LRPPRC: variants seen among roughly 807,000 people sequenced by gnomAD.
The protein encoded by LRPPRC is leucine-rich PPR motif-containing protein, mitochondrial.
Under a neutral mutation model 180.3 loss-of-function variants are expected in LRPPRC, and 120 were observed. The ratio of observed to expected loss-of-function variants is 0.67; its 90% CI spans 0.57 to 0.77. The LOEUF (loss-of-function observed/expected upper bound fraction) is 0.77, where lower values mean the gene tolerates loss of function less well. LRPPRC is among the 30% of genes least tolerant of loss of function. The pLI is 0.00. For missense variants in LRPPRC, 2,012 were observed against 1,657.2 expected, an observed-to-expected ratio of 1.21 and a Z score of -3.72; for synonymous variants, 723 against 600.0, an observed-to-expected ratio of 1.21 and a Z score of -3.00.
intron 12 of LRPPRC, among the ~76,000 whole-genome samples, chr2:43,963,325 T>A (rs1220838649): frequency 1.3e-5 from 2 of 152,150 alleles, no homozygotes; most frequent in Non-Finnish European, 2.9e-5. Context: ...ATGCCTGTAA[T>A]CCCAGCTACT....
chr2:43,974,698 T>C lies in LRPPRC; in HGVS notation c.925A>G (p.Ile309Val), dbSNP rs777537110. 2.5e-6 allele frequency: 4 copies of C among 1,613,548 alleles called. No homozygotes were observed. The highest frequency in any genetic ancestry group is 3.4e-6 in the Non-Finnish European group (4 of 1,179,504). Residue 309 changes from isoleucine (I) to valine (V), a missense_variant, in exon 8 of 38, where the codon ATT becomes GTT. Transcript: ENST00000260665. Reference sequence around the variant, plus strand: ...TACCCAGCTTTACTGAAGCTAAAAATAATTTGCAGTAAATCACGGTCCATA... The same window carrying C: ...TACCCAGCTTTACTGAAGCTAAAAACAATTTGCAGTAAATCACGGTCCATA... ...HLMDRDLLQI[I>V]FSFSKAGYPQ... is the part of the protein sequence containing the mutation.
intron 1 of LRPPRC, among the ~76,000 whole-genome samples, chr2:43,990,895 G>C (rs1674746158): frequency 6.6e-6 from 1 of 151,332 alleles, no homozygotes; most frequent in Non-Finnish European, 1.5e-5. Context: ...GCCCAGGCTG[G>C]AGTGCAATGG....
rs1370137723 is a variant in LRPPRC at position 43,889,745 on chromosome 2, T to G, written c.4117A>C (p.Ile1373Leu). ...LKYAGEPVPF[I>L]EPPESFEFYA... ...TAAGAAATACTCACAGGGGGTTCAATGAAAGGGACAGGCTCTCCAGCATAC... is the reference window on the plus strand; with the variant it reads ...TAAGAAATACTCACAGGGGGTTCAAGGAAAGGGACAGGCTCTCCAGCATAC... Residue 1373 changes from isoleucine to leucine, a missense_variant, in exon 37 of 38, where the codon ATT becomes CTT. Physicochemically the swap from Ile to Leu is conservative, Grantham distance 5 (BLOSUM62 2). Coordinates refer to ENST00000260665, the MANE Select transcript of LRPPRC (RefSeq NM_133259.4). 4.3e-6 allele frequency: 7 copies of G among 1,612,968 alleles called. No individual in the cohort carries two copies. The highest frequency in any genetic ancestry group is 5.9e-6 in the Non-Finnish European group (7 of 1,179,016).
intron 12 of LRPPRC, among the ~76,000 whole-genome samples, chr2:43,961,967 A>G (rs558311252): frequency 1.3e-5 from 2 of 152,332 alleles, no homozygotes; most frequent in Admixed American, 1.3e-4. Context: ...TGCCTCAAAA[A>G]ACAAAGAAAA....
At chr2:43,959,644 C>T (rs1167597984) in intron 13 of LRPPRC, among the ~76,000 whole-genome samples, 1 of 152,166 alleles carries the variant, frequency 6.6e-6, no homozygotes, top group Admixed American at 6.5e-5. Context: ...GTGGCTCACA[C>T]CTGTAATCCC....
chr2:43,969,683 GTGT>G (rs920080141), intron 11 of LRPPRC, among the ~76,000 whole-genome samples: 3 of 152,082 alleles, frequency 2.0e-5, no homozygotes, highest in Non-Finnish European at 4.4e-5. Context: ...TGGGTGTGTG[GTGT>G]TTTGTTTTTG....
intron 21 of LRPPRC, among the ~76,000 whole-genome samples, 183 bp from the exon 22 acceptor site, chr2:43,945,600 T>C (rs1672652584): frequency 6.6e-6 from 1 of 152,114 alleles, no homozygotes; most frequent in African/African-American, 2.4e-5. Flanking sequence ...ATATTCAAAG[T>C]GACTAGTGAA....
At position 43,918,334 on chromosome 2, in the gene LRPPRC, A is replaced by C. The variant is rs767400876; in HGVS notation, c.2961T>G (p.Ile987Met). 4.3e-6 allele frequency: 7 copies of C among 1,610,054 alleles called. No individual in the cohort carries two copies. Among genetic ancestry groups the C allele is most frequent in the Admixed American group, 1.7e-5 (1 of 59,998 alleles). Residue 987 changes from isoleucine to methionine, a missense_variant, in exon 28 of 38, where the codon ATT becomes ATG. Coordinates refer to ENST00000260665, the MANE Select transcript of LRPPRC (RefSeq NM_133259.4). ...ATAATCTTAATGTCTTTTCACGAGG[A>C]ATAACATTTTCTTCTTGGATTTTAT... ...VWNKIQEENVIPREKTLRLLA... is the reference protein window; with the variant it reads ...VWNKIQEENVMPREKTLRLLA...
intron 30 of LRPPRC, among the ~76,000 whole-genome samples, chr2:43,911,523 CTTTTTTTT>C (rs531172761): frequency 1.1e-5 from 1 of 92,372 alleles, no homozygotes; most frequent in Non-Finnish European, 2.0e-5. Flanking sequence ...TCTTCTTCTT[CTTTTTTTT>C]TTTTTTTTTT....
intron 23 of LRPPRC, among the ~76,000 whole-genome samples, chr2:43,940,448 C>G (rs561074647): frequency 6.6e-6 from 1 of 152,062 alleles, no homozygotes; most frequent in South Asian, 2.1e-4. Context: ...AAATTGTGAC[C>G]TTTATGAACT....
chr2:43,995,046 G>A (rs571728433), intron 1 of LRPPRC, among the ~76,000 whole-genome samples: 2 of 152,182 alleles, frequency 1.3e-5, no homozygotes, highest in South Asian at 2.1e-4. Context: ...TTCGAGACTA[G>A]CGTGGCCAAC....
rs1208306375 is a variant in LRPPRC at position 43,899,602 on chromosome 2, A to G, written c.3573T>C (p.Asn1191=). 1.9e-6 allele frequency: 3 copies of G among 1,606,800 alleles called. No individual in the cohort carries two copies. The highest frequency in any genetic ancestry group is 2.6e-6 in the Non-Finnish European group (3 of 1,173,864). Residue 1191 remains asparagine (N), a synonymous_variant, in exon 33 of 38, where the codon AAT becomes AAC. Transcript: ENST00000260665. ...NNIALAQIKN[N]NIDAAIENIE... ...TGTTTTCTATTGCGGCATCTATGTT[A>G]TTACTGTTAAAAGCAAAATAAATTA...
chr2:43,949,782 A>C, intron 15 of LRPPRC, 123 bp from the exon 16 acceptor site: 1 of 723,822 alleles, frequency 1.4e-6, no homozygotes, highest in South Asian at 1.5e-5. Context: ...ATTTCACAGT[A>C]ATTCAAAACC....
At chr2:43,920,158 T>C (rs1671647771) in intron 27 of LRPPRC, among the ~76,000 whole-genome samples, 2 of 151,228 alleles carry the variant, frequency 1.3e-5, no homozygotes, top group Admixed American at 1.3e-4. Flanking sequence ...TTTTTTGAGA[T>C]GGAGTCTTGC....
At chr2:43,996,046 G>A (rs968511252), upstream of LRPPRC, 2 of 1,295,434 alleles carry the variant, frequency 1.5e-6, no homozygotes, top group Non-Finnish European at 2.1e-6. Context: ...CAACTGCCGG[G>A]CGTGCCAAAT....
intron 21 of LRPPRC, among the ~76,000 whole-genome samples, chr2:43,945,827 A>G (rs1333705438): frequency 2.0e-5 from 3 of 152,096 alleles, no homozygotes; most frequent in Admixed American, 1.3e-4. Flanking sequence ...AAGCCTCTTA[A>G]AACAGTTACC....
intron 34 of LRPPRC, 38 bp from the exon 35 acceptor site, chr2:43,896,746 T>A: frequency 8.2e-7 from 1 of 1,213,424 alleles, no homozygotes; most frequent in Non-Finnish European, 1.2e-6. Flanking sequence ...TGAAGGTTTC[T>A]GATAAACAAG....
chr2:43,919,422 G>C (rs1196434658), intron 27 of LRPPRC, among the ~76,000 whole-genome samples: 1 of 152,184 alleles, frequency 6.6e-6, no homozygotes, highest in East Asian at 1.9e-4. Context: ...TAGTTGAATA[G>C]AGAATTGTCT....
chr2:43,943,962 A>G (rs1214346522), intron 22 of LRPPRC, 68 bp from the exon 23 acceptor site: 4 of 1,066,828 alleles, frequency 3.7e-6, no homozygotes, highest in Non-Finnish European at 4.4e-6. Flanking sequence ...CTATTAAAAC[A>G]GCATTTCAAG....
Sources: allele counts gnomAD v4.1 joint callset (sites outside exome capture counted in the v4.1 genomes callset), GRCh38; gene constraint gnomAD v4.1.1; transcripts MANE v1.5; gene names NCBI Gene and HGNC (gene_info 2026-07-23, HGNC 2026-07-21).